BAG2: variants seen among roughly 807,000 people sequenced by gnomAD.
BAG2 encodes the protein BAG family molecular chaperone regulator 2.
BAG2 carries 8 observed loss-of-function variants against 16.4 expected under a neutral mutation model. The observed-to-expected ratio is 0.49, with a 90% CI of 0.29 to 0.88. The LOEUF (loss-of-function observed/expected upper bound fraction) is 0.88, where lower values mean the gene tolerates loss of function less well. Among genes scored for constraint, BAG2 ranks in the 40% least tolerant of loss-of-function variants. The pLI is 0.09. For missense variants in BAG2, 218 were observed against 248.9 expected (o/e 0.88, Z 0.84); for synonymous variants, 82 against 89.2 (o/e 0.92, Z 0.46).
At position 57,187,709 on chromosome 6, in the gene BAG2, A is replaced by AGTTT. The variant is rs1346118967; in HGVS notation, c.*3520_*3523dup. On this transcript the variant is annotated 3_prime_UTR_variant, in exon 3 of 3. Transcript: ENST00000370693. ...ATTCTAAGGTCTTCAGAAAAGGTCC[A>AGTTT]GTTTCCTAAAACTCACAGGTCCAAG... The AGTTT allele has an allele frequency of 6.6e-6, 1 of 152,162 alleles. No homozygotes were observed. Among genetic ancestry groups the AGTTT allele is most frequent in the Non-Finnish European group, 1.5e-5 (1 of 68,014 alleles). 9.4% of individuals were successfully genotyped at this position (152,162 alleles called of 1,614,324 possible). A position where few individuals can be genotyped will look rare whatever the true frequency, so the allele number is the denominator to read the frequency against.
At chr6:57,179,771 G>A (rs1045818912) in intron 1 of BAG2, among the ~76,000 whole-genome samples, 2 of 151,828 alleles carry the variant, frequency 1.3e-5, no homozygotes, top group Non-Finnish European at 2.9e-5. Flanking sequence ...TAGTGACTGG[G>A]TATATTCATG....
intron 1 of BAG2, 49 bp downstream of exon 1, chr6:57,172,859 G>C: frequency 7.2e-7 from 1 of 1,388,620 alleles, no homozygotes; most frequent in Non-Finnish European, 9.4e-7. Flanking sequence ...CGCGCGGGCG[G>C]TTCGCGGGCG....
At chr6:57,174,423 C>T (rs1764222039) in intron 1 of BAG2, 7 of 1,292,144 alleles carry the variant, frequency 5.4e-6, no homozygotes, top group South Asian at 1.2e-5. Flanking sequence ...CTGAAGTGCT[C>T]CTCTTTAAAA....
At chr6:57,180,810 T>C (rs1764418283) in intron 1 of BAG2, among the ~76,000 whole-genome samples, 3 of 151,126 alleles carry the variant, frequency 2.0e-5, no homozygotes, top group African/African-American at 4.9e-5. Context: ...TAAGAGTCTC[T>C]CTTTAGTGCA....
chr6:57,177,595 A>C (rs1486727209), intron 1 of BAG2, among the ~76,000 whole-genome samples: 1 of 152,176 alleles, frequency 6.6e-6, no homozygotes, highest in Admixed American at 6.5e-5. Context: ...AATTCTAGAC[A>C]CATTATACAT....
chr6:57,179,038 T>C (rs1005209385), intron 1 of BAG2, among the ~76,000 whole-genome samples: 1 of 152,246 alleles, frequency 6.6e-6, no homozygotes, highest in Admixed American at 6.5e-5. Context: ...GAAAAATTAA[T>C]CTCTTCTTTC....
chr6:57,183,997 A>C lies in BAG2; in HGVS notation c.443A>C (p.His148Pro), dbSNP rs1407779383. 1.2e-6 allele frequency: 2 copies of C among 1,612,678 alleles called. No homozygotes were observed. The highest frequency in any genetic ancestry group is 2.7e-5 in the African/African-American group (2 of 74,862). Residue 148 changes from histidine (H) to proline (P), a missense_variant, in exon 3 of 3, where the codon CAT (histidine) becomes CCT (proline). By Grantham distance (77) the His-to-Pro change is moderately conservative (BLOSUM62 -2). Coordinates refer to ENST00000370693, the MANE Select transcript of BAG2 (RefSeq NM_004282.4). ...LYSACSSEVP[H>P]GPVDQKFQSI... ...AGTGCATGTTCATCTGAGGTGCCACATGGGCCAGTTGATCAGAAGTTTCAA... is the reference window on the plus strand; with the variant it reads ...AGTGCATGTTCATCTGAGGTGCCACCTGGGCCAGTTGATCAGAAGTTTCAA...
chr6:57,182,278 G>C (rs574671212), intron 2 of BAG2, 137 bp downstream of exon 2: 91 of 594,254 alleles, frequency 1.5e-4, no homozygotes, highest in African/African-American at 1.5e-3. Flanking sequence ...ACAGAGAGCA[G>C]CTGCAGCTGT....
chr6:57,184,333 G>GT lies in BAG2; in HGVS notation c.*144dup. The stretch of plus-strand genomic sequence containing the variant: ...TCAGATGAGGAAAATATTCCATCAA[G>GT]TATCTTCAGTTTTGTGAATAACAAA... On this transcript the variant is annotated 3_prime_UTR_variant, in exon 3 of 3. Coordinates refer to ENST00000370693, the MANE Select transcript of BAG2 (RefSeq NM_004282.4). The GT allele has an allele frequency of 1.4e-6, 1 of 705,864 alleles. No homozygotes were observed. Among genetic ancestry groups the GT allele is most frequent in the Non-Finnish European group, 2.0e-6 (1 of 489,126 alleles). The allele number at this position is 705,864 out of a possible 1,614,324, so 43.7% of individuals were successfully genotyped here. A position where few individuals can be genotyped will look rare whatever the true frequency, so the allele number is the denominator to read the frequency against.
rs1241229328 is a variant in BAG2 at position 57,187,953 on chromosome 6, C to G, written c.*3763C>G. On this transcript the variant is annotated 3_prime_UTR_variant, in exon 3 of 3. Transcript: ENST00000370693. ...TTTAACTATATTGCCTTATATGGGT[C>G]ATTCTATATACTATTTAATTCATAG... 1 of 151,658 alleles carries G rather than the reference C, an allele frequency of 6.6e-6. No individual in the cohort carries two copies. The highest frequency in any genetic ancestry group is 2.4e-5 in the African/African-American group (1 of 41,152). The allele number at this position is 151,658 out of a possible 1,614,324, so 9.4% of individuals were successfully genotyped here. A position where few individuals can be genotyped will look rare whatever the true frequency, so the allele number is the denominator to read the frequency against.
At position 57,187,011 on chromosome 6, in the gene BAG2, TTATTTTCTGA is replaced by T. The variant is rs1764627966; in HGVS notation, c.*2823_*2832del. 6.6e-6 allele frequency: 1 copy of T among 152,202 alleles called. No individual in the cohort carries two copies. The highest frequency in any genetic ancestry group is 2.1e-4 in the South Asian group (1 of 4,828). 9.4% of individuals were successfully genotyped at this position (152,202 alleles called of 1,614,324 possible). A position where few individuals can be genotyped will look rare whatever the true frequency, so the allele number is the denominator to read the frequency against. On this transcript the variant is annotated 3_prime_UTR_variant, in exon 3 of 3. Coordinates refer to ENST00000370693, the MANE Select transcript of BAG2 (RefSeq NM_004282.4). Reference sequence around the variant, plus strand: ...ACAAAATTTTAGCTTTGAAATGCATTTATTTTCTGATTATTGGAATTCATCCTTCATGAAA... The same window carrying T: ...ACAAAATTTTAGCTTTGAAATGCATTTTATTGGAATTCATCCTTCATGAAA...
chr6:57,178,102 G>GT (rs1194851962), intron 1 of BAG2, among the ~76,000 whole-genome samples: 1 of 152,172 alleles, frequency 6.6e-6, no homozygotes, highest in Admixed American at 6.5e-5. Flanking sequence ...GGATCTGTTA[G>GT]TAAAAACAGA....
intron 1 of BAG2, among the ~76,000 whole-genome samples, chr6:57,176,501 C>G (rs1024990570): frequency 9.9e-5 from 15 of 152,088 alleles, no homozygotes; most frequent in African/African-American, 3.6e-4. Flanking sequence ...CTAGAAAGCT[C>G]AAGATGGTAA....
intron 1 of BAG2, among the ~76,000 whole-genome samples, chr6:57,176,384 T>C (rs772384063): frequency 5.9e-5 from 9 of 152,162 alleles, no homozygotes; most frequent in South Asian, 2.1e-4. Context: ...AGAAATGATA[T>C]ATGGATGAAT....
In BAG2 at chr6:57,188,462, C is replaced by T. The variant is rs996150240; in HGVS notation, c.*4272C>T. 7.2e-5 allele frequency: 11 copies of T among 152,008 alleles called. No individual in the cohort carries two copies. The highest frequency in any genetic ancestry group is 2.7e-4 in the African/African-American group (11 of 41,406). 9.4% of individuals were successfully genotyped at this position (152,008 alleles called of 1,614,324 possible). A position where few individuals can be genotyped will look rare whatever the true frequency, so the allele number is the denominator to read the frequency against. On this transcript the variant is annotated 3_prime_UTR_variant, in exon 3 of 3. Transcript: ENST00000370693. ...ATATAGAAAGGTAACACGCTTTTAG[C>T]CACACAGCTAACATGAAAAAGAACT...
At chr6:57,174,407 A>T (rs1487200258) in intron 1 of BAG2, 34 of 1,303,306 alleles carry the variant, frequency 2.6e-5, no homozygotes, top group Non-Finnish European at 3.3e-5. Context: ...TAGGTACAAA[A>T]GCACTCTGAA....
chr6:57,180,745 C>G (rs1400055044), intron 1 of BAG2, among the ~76,000 whole-genome samples: 1 of 149,890 alleles, frequency 6.7e-6, no homozygotes, highest in African/African-American at 2.5e-5. Flanking sequence ...TAGGTCAAAA[C>G]TTCAAAAGCA....
rs1488309593 is a variant in BAG2 at position 57,183,887 on chromosome 6, G to C, written c.333G>C (p.Lys111Asn). 1 of 1,614,112 alleles carries C rather than the reference G, an allele frequency of 6.2e-7. No individual in the cohort carries two copies. Among genetic ancestry groups the C allele is most frequent in the South Asian group, 1.1e-5 (1 of 91,068 alleles). ...IRNPQQQESL[K>N]HATRIIDEVV... ...ACCCCCAGCAGCAAGAATCCCTAAA[G>C]CATGCCACAAGGATTATTGATGAGG... is the stretch of plus-strand genomic sequence containing the variant. Residue 111 changes from lysine (K) to asparagine (N), a missense_variant, in exon 3 of 3, where the codon AAG (lysine) becomes AAC (asparagine). Transcript: ENST00000370693.
chr6:57,183,344 CTA>C (rs1764524940), intron 2 of BAG2, among the ~76,000 whole-genome samples: 1 of 152,216 alleles, frequency 6.6e-6, no homozygotes, highest in Admixed American at 6.5e-5. Flanking sequence ...AGCTTATCTT[CTA>C]TCGTGGCTAC....
Sources: allele counts gnomAD v4.1 joint callset (sites outside exome capture counted in the v4.1 genomes callset), GRCh38; gene constraint gnomAD v4.1.1; transcripts MANE v1.5; gene names NCBI Gene and HGNC (gene_info 2026-07-23, HGNC 2026-07-21).